The following WDR91 variants were observed in gnomAD, a reference collection of about 807,000 sequenced individuals.
WDR91 encodes the protein WD repeat domain 91.
In WDR91, 52 loss-of-function variants were observed where a neutral mutation model predicts 88.4. That is an observed-to-expected ratio of 0.59 (90% CI 0.47 to 0.74). The LOEUF (loss-of-function observed/expected upper bound fraction) is 0.74, where lower values mean the gene tolerates loss of function less well. WDR91 is among the 30% of genes least tolerant of loss of function. The pLI is 0.00. For missense variants in WDR91, 824 were observed against 954.5 expected (o/e 0.86, Z 1.80); for synonymous variants, 362 against 389.5 (o/e 0.93, Z 0.83).
chr7:135,209,833 CTT>C, intron 1 of WDR91, 78 bp from the exon 2 acceptor site: 1 of 1,280,610 alleles, frequency 7.8e-7, no homozygotes, highest in South Asian at 2.0e-5. Context: ...GCTTTTTCCT[CTT>C]GTCATGGCTT....
chr7:135,196,073 G>T lies in WDR91; in HGVS notation c.1244+71C>A. 1 of 1,394,014 alleles carries T rather than the reference G, an allele frequency of 7.2e-7. No individual in the cohort carries two copies. The highest frequency in any genetic ancestry group is 9.5e-7 in the Non-Finnish European group (1 of 1,050,680). The allele number at this position is 1,394,014 out of a possible 1,614,324, so 86.4% of individuals were successfully genotyped here. A position where few individuals can be genotyped will look rare whatever the true frequency, so the allele number is the denominator to read the frequency against. On this transcript the variant is annotated intron_variant, in intron 8 of 14. Coordinates refer to ENST00000354475, the MANE Select transcript of WDR91 (RefSeq NM_014149.4). The surrounding 1 kb of genome is among the most constrained non-coding windows in gnomAD (Gnocchi z 4.2). Reference sequence around the variant, plus strand: ...CCCCATTCTCCGCCATCTCCTGCTGGCCACACCTCCACGTGTACTGCCTGA... The same window carrying T: ...CCCCATTCTCCGCCATCTCCTGCTGTCCACACCTCCACGTGTACTGCCTGA...
At chr7:135,194,841 C>A in intron 9 of WDR91, 93 bp downstream of exon 9, 1 of 1,519,116 alleles carries the variant, frequency 6.6e-7, no homozygotes. Flanking sequence ...GGGAGGGGAA[C>A]TGGCTTGGCT....
At chr7:135,211,178 C>T (rs891163968) in intron 1 of WDR91, among the ~76,000 whole-genome samples, 13 of 152,216 alleles carry the variant, frequency 8.5e-5, no homozygotes, top group African/African-American at 3.1e-4. Context: ...GCTCCTGACT[C>T]GGGGGGCGGC....
At chr7:135,190,263 A>G (rs1585405540) in intron 11 of WDR91, among the ~76,000 whole-genome samples, 1 of 152,228 alleles carries the variant, frequency 6.6e-6, no homozygotes, top group African/African-American at 2.4e-5. Context: ...TGAGACTCCA[A>G]AGAGCTATAC....
intron 9 of WDR91, 41 bp from the exon 10 acceptor site, chr7:135,193,713 A>C (rs769974635): frequency 1.3e-6 from 2 of 1,567,606 alleles, no homozygotes; most frequent in South Asian, 2.3e-5. Flanking sequence ...GATAGCATGG[A>C]GTGAGGCTGA....
chr7:135,194,858 A>T, intron 9 of WDR91, 76 bp downstream of exon 9: 1 of 1,570,976 alleles, frequency 6.4e-7, no homozygotes. Context: ...GGCTGTCTTG[A>T]CTCAGCCGGT....
In WDR91 at chr7:135,211,462, T is replaced by C. The variant is rs778485286; in HGVS notation, c.41A>G (p.Glu14Gly). The C allele has an allele frequency of 6.2e-7, 1 of 1,611,994 alleles. No homozygotes were observed. Among genetic ancestry groups the C allele is most frequent in the Non-Finnish European group, 8.5e-7 (1 of 1,179,186 alleles). ...CGTGAACCCGCGGAAGAGCAGGTAC[T>C]CCCGGACCAGCTCGTCAGTGCGCTC... is the stretch of plus-strand genomic sequence containing the variant. Reference protein sequence around the residue: ...AVERTDELVREYLLFRGFTHT... With the variant: ...AVERTDELVRGYLLFRGFTHT... The change falls in exon 1 of 15, where the codon GAG becomes GGG. Residue 14 changes from glutamate to glycine, a missense_variant. Coordinates refer to ENST00000354475, the MANE Select transcript of WDR91 (RefSeq NM_014149.4).
At chr7:135,201,022 C>A (rs1314276043) in intron 6 of WDR91, among the ~76,000 whole-genome samples, 6 of 152,200 alleles carry the variant, frequency 3.9e-5, no homozygotes, top group African/African-American at 1.4e-4. Context: ...TTGGGGAAAA[C>A]CTTCAGGGCA....
chr7:135,186,923 C>A (rs1490960724), intron 14 of WDR91, 49 bp downstream of exon 14: 4 of 1,607,072 alleles, frequency 2.5e-6, no homozygotes, highest in East Asian at 2.2e-5. Flanking sequence ...CAGGGAGGAA[C>A]CCCTGCCCAC....
At chr7:135,190,689 G>A (rs1831131445) in intron 11 of WDR91, among the ~76,000 whole-genome samples, 1 of 152,142 alleles carries the variant, frequency 6.6e-6, no homozygotes, top group Admixed American at 6.5e-5. Context: ...AAAAATGAAG[G>A]TGAGCTTCTA....
chr7:135,190,691 G>T (rs1831131647), intron 11 of WDR91, among the ~76,000 whole-genome samples: 1 of 152,104 alleles, frequency 6.6e-6, no homozygotes, highest in Admixed American at 6.5e-5. Flanking sequence ...AAATGAAGGT[G>T]AGCTTCTAAA....
At chr7:135,207,066 TCA>T in intron 4 of WDR91, 52 bp downstream of exon 4, 1 of 1,505,002 alleles carries the variant, frequency 6.6e-7, no homozygotes, top group Non-Finnish European at 9.1e-7. Flanking sequence ...CTACCTAATT[TCA>T]CACACAAAAA....
chr7:135,193,425 G>C, intron 10 of WDR91, 26 bp from the exon 11 acceptor site: 1 of 1,612,442 alleles, frequency 6.2e-7, no homozygotes. Context: ...GCCTGGGTCA[G>C]ACCCTCTGCC....
At position 135,204,436 on chromosome 7, in the gene WDR91, G is replaced by A. The variant is rs767463023; in HGVS notation, c.726-3C>T. 1 of 1,613,806 alleles carries A rather than the reference G, an allele frequency of 6.2e-7. No individual in the cohort carries two copies. On this transcript the variant is annotated splice_region_variant and splice_polypyrimidine_tract_variant and intron_variant, in intron 5 of 14. Transcript: ENST00000354475. ...TCCTTTGGCTGCACACCATGGCACT[G>A]GTCAGCAAACACACCACAGGGTCAG... is the stretch of plus-strand genomic sequence containing the variant.
intron 9 of WDR91, 84 bp downstream of exon 9, chr7:135,194,850 C>T: frequency 1.3e-6 from 2 of 1,552,730 alleles, no homozygotes; most frequent in Non-Finnish European, 1.7e-6. Context: ...ACTGGCTTGG[C>T]TGTCTTGACT....
chr7:135,207,024 G>A (rs145322812), intron 4 of WDR91, 96 bp downstream of exon 4: 7 of 969,244 alleles, frequency 7.2e-6, no homozygotes, highest in Middle Eastern at 2.5e-4. Context: ...TAGTGGCAGT[G>A]GAAACCTGAT....
At chr7:135,209,064 T>C (rs1196955852) in intron 2 of WDR91, 66 bp from the exon 3 acceptor site, 1 of 1,421,460 alleles carries the variant, frequency 7.0e-7, no homozygotes, top group Non-Finnish European at 9.7e-7. Flanking sequence ...AGACTCTTCA[T>C]CATTGCACAG....
chr7:135,198,164 AAGCT>A lies in WDR91; in HGVS notation c.892-17_892-14del. The A allele has an allele frequency of 6.2e-7, 1 of 1,607,818 alleles. No homozygotes were observed. The highest frequency in any genetic ancestry group is 2.2e-5 in the East Asian group (1 of 44,792). Reference sequence around the variant, plus strand: ...TTCCCTTGGTGCCCTAGAGGAAAAGAAGCTGGCTGTGAAGTCTCTTCCCATCTGC... The same window carrying A: ...TTCCCTTGGTGCCCTAGAGGAAAAGAGGCTGTGAAGTCTCTTCCCATCTGC... On this transcript the variant is annotated splice_polypyrimidine_tract_variant and intron_variant, in intron 6 of 14. Transcript: ENST00000354475.
chr7:135,206,819 T>C (rs1831806788), intron 4 of WDR91, among the ~76,000 whole-genome samples: 1 of 151,700 alleles, frequency 6.6e-6, no homozygotes, highest in Admixed American at 6.6e-5. Context: ...AACAGACACA[T>C]GAAAACAGGT....
Sources: allele counts gnomAD v4.1 joint callset (sites outside exome capture counted in the v4.1 genomes callset), GRCh38; gene constraint gnomAD v4.1.1; non-coding constraint Gnocchi (gnomAD v3.1); transcripts MANE v1.5; gene names NCBI Gene and HGNC (gene_info 2026-07-23, HGNC 2026-07-21).